IRAG1: variants seen among roughly 807,000 people sequenced by gnomAD.
IRAG1 encodes the protein inositol 1,4,5-triphosphate receptor associated 1, also known as IP3R-associated cGMP kinase substrate.
In IRAG1, 62 loss-of-function variants were observed where a neutral mutation model predicts 106.2. That is an observed-to-expected ratio of 0.58 (90% CI 0.48 to 0.72). The LOEUF is 0.72. Among genes scored for constraint, IRAG1 ranks in the 30% least tolerant of loss-of-function variants. IRAG1 has a pLI of 0.00. For missense variants in IRAG1, 1,064 were observed against 1,140.7 expected (o/e 0.93, Z 0.97); for synonymous variants, 462 against 443.9 (o/e 1.04, Z -0.51).
At chr11:10,676,946 A>G (rs1262355967) in intron 1 of IRAG1, among the ~76,000 whole-genome samples, 1 of 152,140 alleles carries the variant, frequency 6.6e-6, no homozygotes, top group Non-Finnish European at 1.5e-5. Context: ...CCCTGTCCTC[A>G]GTCTCTCGTT....
intron 2 of IRAG1, among the ~76,000 whole-genome samples, chr11:10,643,998 C>T (rs570928548): frequency 2.8e-4 from 42 of 152,312 alleles, no homozygotes; most frequent in Admixed American, 2.6e-3. Flanking sequence ...GGCACTTCCA[C>T]GCTAAATTCT....
At chr11:10,620,643 T>G (rs1240987263) in intron 10 of IRAG1, among the ~76,000 whole-genome samples, 1 of 152,212 alleles carries the variant, frequency 6.6e-6, no homozygotes, top group Non-Finnish European at 1.5e-5. Flanking sequence ...TTGATTATTC[T>G]TACTATATTC....
At chr11:10,605,632 C>T (rs539835071) in intron 12 of IRAG1, among the ~76,000 whole-genome samples, 1 of 152,174 alleles carries the variant, frequency 6.6e-6, no homozygotes, top group Non-Finnish European at 1.5e-5. Flanking sequence ...CTCAGACTGT[C>T]TGATTTGAAA....
rs1411961287 is a variant in IRAG1 at position 10,593,980 on chromosome 11, G to A, written c.2067+166C>T. 6 of 650,988 alleles carry A rather than the reference G, an allele frequency of 9.2e-6. No individual in the cohort carries two copies. The East Asian group carries it at 1.6e-4, about 18-fold the overall frequency. 40.3% of individuals were successfully genotyped at this position (650,988 alleles called of 1,614,324 possible). Reference sequence around the variant, plus strand: ...AGTTAAGGAAACCATGAGCAAGAAAGGTAAGATGTCAGAGGCTAAACTTGA... The same window carrying A: ...AGTTAAGGAAACCATGAGCAAGAAAAGTAAGATGTCAGAGGCTAAACTTGA... On this transcript the variant is annotated intron_variant, in intron 16 of 20. Transcript: ENST00000423302.
At chr11:10,583,094 G>A (rs1271085593) in intron 18 of IRAG1, among the ~76,000 whole-genome samples, 1 of 152,242 alleles carries the variant, frequency 6.6e-6, no homozygotes, top group African/African-American at 2.4e-5. Flanking sequence ...CATTTGCAAT[G>A]CCTGTGAGGT....
chr11:10,612,370 C>T (rs540487670), intron 10 of IRAG1, among the ~76,000 whole-genome samples: 1 of 152,274 alleles, frequency 6.6e-6, no homozygotes, highest in African/African-American at 2.4e-5. Context: ...AACAGAGTTA[C>T]GGAAAAAGAG....
intron 2 of IRAG1, among the ~76,000 whole-genome samples, chr11:10,641,524 C>A (rs927108976): frequency 6.6e-6 from 1 of 152,184 alleles, no homozygotes; most frequent in African/African-American, 2.4e-5. Context: ...CAATCAATGC[C>A]CTTTGTGGGT....
intron 19 of IRAG1, 133 bp from the exon 20 acceptor site, chr11:10,580,722 A>C: frequency 9.1e-7 from 1 of 1,101,320 alleles, no homozygotes; most frequent in East Asian, 2.5e-5. Flanking sequence ...AAAACAGGAA[A>C]AAGCTGGGAA....
intron 15 of IRAG1, among the ~76,000 whole-genome samples, chr11:10,596,129 T>C (rs1853277901): frequency 6.6e-6 from 1 of 152,248 alleles, no homozygotes. Context: ...TCCATGTCTT[T>C]GCTATTGTGA....
chr11:10,641,523 C>T (rs1355024506), intron 2 of IRAG1, among the ~76,000 whole-genome samples: 1 of 152,166 alleles, frequency 6.6e-6, no homozygotes, highest in Non-Finnish European at 1.5e-5. Flanking sequence ...CCAATCAATG[C>T]CCTTTGTGGG....
chr11:10,692,514 A>G (rs1321983923), intron 1 of IRAG1, among the ~76,000 whole-genome samples: 1 of 145,336 alleles, frequency 6.9e-6, no homozygotes, highest in African/African-American at 2.5e-5. Context: ...CTAGCATGTC[A>G]TCGTCCCTCG....
In IRAG1 at chr11:10,633,991, T is replaced by G; in HGVS notation, c.306A>C (p.Glu102Asp). Reference protein sequence around the residue: ...LTGDATSPEGETDKNLANRVH... With the variant: ...LTGDATSPEGDTDKNLANRVH... ...ACCTGTTGGCCAGGTTTTTGTCGGT[T>G]TCTCCTTCTGGTGAAGTGGCATCCC... is the stretch of plus-strand genomic sequence containing the variant. The change falls in exon 3 of 21, where the codon GAA becomes GAC. Residue 102 changes from glutamate (E) to aspartate (D), a missense_variant. By Grantham distance (45) the Glu-to-Asp change is conservative. Transcript: ENST00000423302. 6.2e-7 allele frequency: 1 copy of G among 1,612,264 alleles called. No individual in the cohort carries two copies. Among genetic ancestry groups the G allele is most frequent in the South Asian group, 1.1e-5 (1 of 90,664 alleles).
At chr11:10,626,819 T>C (rs1035998399) in intron 8 of IRAG1, among the ~76,000 whole-genome samples, 1 of 152,218 alleles carries the variant, frequency 6.6e-6, no homozygotes, top group African/African-American at 2.4e-5. Context: ...TCCCAAGGGA[T>C]AGGAGCTGAG....
intron 10 of IRAG1, among the ~76,000 whole-genome samples, chr11:10,610,937 A>G (rs964425): frequency 0.35 from 53,657 of 152,042 alleles, 10,819 homozygotes; most frequent in East Asian, 0.69. Flanking sequence ...GTAGCTTTCC[A>G]ATCTGCTCAA....
intron 10 of IRAG1, among the ~76,000 whole-genome samples, chr11:10,621,406 G>A (rs942230350): frequency 6.6e-6 from 1 of 152,134 alleles, no homozygotes; most frequent in Admixed American, 6.5e-5. Context: ...CTTGAAGCGG[G>A]GCAAGGATTT....
chr11:10,692,195 G>GCACACACA (rs111745329), intron 1 of IRAG1, among the ~76,000 whole-genome samples: 165 of 151,060 alleles, frequency 1.1e-3, no homozygotes, highest in African/African-American at 2.8e-3. Flanking sequence ...AAATATGCAT[G>GCACACACA]CACACACACA....
chr11:10,671,070 C>T (rs1329465760), intron 1 of IRAG1, among the ~76,000 whole-genome samples: 1 of 152,238 alleles, frequency 6.6e-6, no homozygotes, highest in African/African-American at 2.4e-5. Context: ...GGGATCAATA[C>T]ATTTTGGAGA....
At chr11:10,580,745 C>G (rs1180631184) in intron 19 of IRAG1, among the ~76,000 whole-genome samples, 156 bp from the exon 20 acceptor site, 1 of 152,208 alleles carries the variant, frequency 6.6e-6, no homozygotes, top group African/African-American at 2.4e-5. Context: ...TCCACTGAAT[C>G]CTAAGGCAGC....
chr11:10,652,156 T>C lies in IRAG1; in HGVS notation c.94A>G (p.Ile32Val), dbSNP rs768778630. 66 of 1,613,632 alleles carry C rather than the reference T, an allele frequency of 4.1e-5. No homozygotes were observed. The highest frequency in any genetic ancestry group is 5.4e-5 in the Non-Finnish European group (64 of 1,179,840). Reference protein sequence around the residue: ...LACGAQASWSIFGADAAEVPG... With the variant: ...LACGAQASWSVFGADAAEVPG... Reference sequence around the variant, plus strand: ...ACCTCCGCTGCGTCAGCCCCAAAGATGCTCCAAGAGGCCTGGGCTCCACAG... The same window carrying C: ...ACCTCCGCTGCGTCAGCCCCAAAGACGCTCCAAGAGGCCTGGGCTCCACAG... The change falls in exon 2 of 21, where the codon ATC (isoleucine) becomes GTC (valine). Residue 32 changes from isoleucine to valine, a missense_variant. Physicochemically the swap from Ile to Val is conservative, Grantham distance 29. Transcript: ENST00000423302.
Sources: gnomAD v4.1 joint callset for allele counts (sites outside exome capture counted in the v4.1 genomes callset) on GRCh38, gnomAD v4.1.1 for gene constraint, MANE v1.5 for transcripts, NCBI Gene and HGNC (gene_info 2026-07-23, HGNC 2026-07-21) for gene names.